The following ODAD2 variants were observed in gnomAD, a reference collection of about 807,000 sequenced individuals.
The protein encoded by ODAD2 is outer dynein arm docking complex subunit 2.
ODAD2 carries 89 observed loss-of-function variants against 106.8 expected under a neutral mutation model. The observed-to-expected ratio is 0.83, with a 90% CI of 0.70 to 0.99. The LOEUF (loss-of-function observed/expected upper bound fraction) is 0.99, where lower values mean the gene tolerates loss of function less well. Ranked by LOEUF, ODAD2 falls within the 50% of genes least tolerant of loss-of-function variation. The probability of loss-of-function intolerance (pLI) is 0.00; values close to 1 mark genes in which losing one functional copy is unlikely to be tolerated. For missense variants in ODAD2, 1,168 were observed against 1,238.5 expected (o/e 0.94, Z 0.85); for synonymous variants, 404 against 436.2 (o/e 0.93, Z 0.92).
intron 19 of ODAD2, among the ~76,000 whole-genome samples, chr10:27,816,087 T>A (rs1342280145): frequency 6.6e-6 from 1 of 152,190 alleles, no homozygotes; most frequent in Non-Finnish European, 1.5e-5. Flanking sequence ...TCCAACTGAT[T>A]ATCATATTCT....
intron 19 of ODAD2, among the ~76,000 whole-genome samples, chr10:27,837,678 A>G (rs533945151): frequency 6.6e-6 from 1 of 152,346 alleles, no homozygotes; most frequent in South Asian, 2.1e-4. Context: ...GGTCATAAAG[A>G]ACGACAAAAT....
chr10:27,955,611 A>G (rs2132761672), intron 10 of ODAD2, among the ~76,000 whole-genome samples: 1 of 152,170 alleles, frequency 6.6e-6, no homozygotes, highest in South Asian at 2.1e-4. Flanking sequence ...ATTAACTGTA[A>G]TTGACTGCAA....
chr10:27,874,223 T>A (rs1841140302), intron 17 of ODAD2, among the ~76,000 whole-genome samples: 1 of 152,166 alleles, frequency 6.6e-6, no homozygotes, highest in African/African-American at 2.4e-5. Flanking sequence ...TCTTCCTCCA[T>A]ACCTTTATTT....
chr10:27,959,453 A>AAGATGCAG (rs1447167925), intron 10 of ODAD2, among the ~76,000 whole-genome samples: 10 of 151,906 alleles, frequency 6.6e-5, no homozygotes, highest in African/African-American at 2.2e-4. Context: ...TGGTTCAGTA[A>AAGATGCAG]AGATGCAGAG....
At chr10:27,880,848 C>A (rs1042542375) in intron 17 of ODAD2, among the ~76,000 whole-genome samples, 4 of 152,154 alleles carry the variant, frequency 2.6e-5, no homozygotes, top group Non-Finnish European at 5.9e-5. Context: ...ACAAATAGAT[C>A]AAGTCACCCA....
At position 27,857,179 on chromosome 10, in the gene ODAD2, A is replaced by G. The variant is rs188863218; in HGVS notation, c.3021+3446T>C. ...ACTTCTTCCTCCTCCTCTTCAGCCT[A>G]CTCTACGTGAAGATGACAAGGATGA... On this transcript the variant is annotated intron_variant, in intron 19 of 19. Transcript: ENST00000305242. Among the ~76,000 whole-genome samples, 7 of 152,140 alleles carry G rather than the reference A, an allele frequency of 4.6e-5. 1 individual carries two copies. The East Asian group carries it at 1.4e-3, about 29-fold the overall frequency.
chr10:27,926,413 A>C (rs1259136595), intron 16 of ODAD2, among the ~76,000 whole-genome samples: 4 of 152,100 alleles, frequency 2.6e-5, no homozygotes. Context: ...AAAAAAAAAA[A>C]CTTTTCCACA....
chr10:27,941,924 C>CTGGGAGAGAGA (rs1314665336), intron 12 of ODAD2, among the ~76,000 whole-genome samples: 2 of 152,116 alleles, frequency 1.3e-5, no homozygotes, highest in Non-Finnish European at 2.9e-5. Context: ...TTCCAAGTTC[C>CTGGGAGAGAGA]TGGGAGAGAG....
At chr10:27,832,405 A>G (rs1281451009) in intron 19 of ODAD2, among the ~76,000 whole-genome samples, 1 of 152,150 alleles carries the variant, frequency 6.6e-6, no homozygotes, top group Non-Finnish European at 1.5e-5. Context: ...CCCTAGAAGC[A>G]TACTGTCCAG....
At chr10:27,989,008 G>GGGGCCAT (rs1554825692) in intron 2 of ODAD2, among the ~76,000 whole-genome samples, 1 of 152,110 alleles carries the variant, frequency 6.6e-6, no homozygotes, top group Non-Finnish European at 1.5e-5. Context: ...AGAGTGATGT[G>GGGGCCAT]GAGCCATGAG....
chr10:27,841,709 C>G lies in ODAD2; in HGVS notation c.3021+18916G>C, dbSNP rs530245963. On this transcript the variant is annotated intron_variant, in intron 19 of 19. Transcript: ENST00000305242. Reference sequence around the variant, plus strand: ...CCACCCCGGCAGATCTGCTTCCAGTCTTTCTGATCCTGTCCCTATACACCT... The same window carrying G: ...CCACCCCGGCAGATCTGCTTCCAGTGTTTCTGATCCTGTCCCTATACACCT... Among the ~76,000 whole-genome samples the G allele has an allele frequency of 2.0e-5, 3 of 152,042 alleles. No homozygotes were observed. The South Asian group carries it at 6.2e-4, about 32-fold the overall frequency.
intron 19 of ODAD2, among the ~76,000 whole-genome samples, chr10:27,857,483 G>A (rs934118650): frequency 2.6e-5 from 4 of 151,982 alleles, no homozygotes; most frequent in Admixed American, 2.0e-4. Flanking sequence ...AAGTGTATTG[G>A]GTTAAATATA....
intron 19 of ODAD2, among the ~76,000 whole-genome samples, chr10:27,827,372 A>C (rs1837132618): frequency 1.0e-5 from 1 of 97,760 alleles, no homozygotes; most frequent in African/African-American, 3.9e-5. Context: ...ACATACACAC[A>C]CACACACTAT....
intron 17 of ODAD2, among the ~76,000 whole-genome samples, chr10:27,872,740 C>T (rs1840997492): frequency 6.6e-6 from 1 of 152,162 alleles, no homozygotes; most frequent in Non-Finnish European, 1.5e-5. Context: ...TTTTGATGTG[C>T]TGCTGGATTC....
Position 27,992,467 on chromosome 10 carries a change from T to A in ODAD2, c.224+2452A>T, listed in dbSNP as rs1376403591. 2.6e-5 allele frequency among the ~76,000 whole-genome samples: 4 copies of A among 152,038 alleles called. No individual in the cohort carries two copies. In the East Asian group the frequency reaches 7.7e-4, roughly 29 times the overall value. Reference sequence around the variant, plus strand: ...AATTCAGGGGGCCAAGGTAGAAGGATCTCTTGAGGCCAAAAGTACAAGACC... The same window carrying A: ...AATTCAGGGGGCCAAGGTAGAAGGAACTCTTGAGGCCAAAAGTACAAGACC... On this transcript the variant is annotated intron_variant, in intron 2 of 19. Transcript: ENST00000305242.
chr10:27,925,745 A>C (rs951520111), intron 16 of ODAD2, among the ~76,000 whole-genome samples: 2 of 152,248 alleles, frequency 1.3e-5, no homozygotes, highest in African/African-American at 4.8e-5. Flanking sequence ...TTTACTTCAT[A>C]GAGAGACACT....
At chr10:27,985,965 G>A (rs533255120) in intron 3 of ODAD2, among the ~76,000 whole-genome samples, 6 of 152,232 alleles carry the variant, frequency 3.9e-5, no homozygotes, top group Middle Eastern at 3.4e-3. Context: ...TTAGAATGGA[G>A]AAATTTGAGA....
intron 19 of ODAD2, among the ~76,000 whole-genome samples, chr10:27,850,748 AAAC>A (rs1839200681): frequency 6.6e-6 from 1 of 152,212 alleles, no homozygotes; most frequent in Admixed American, 6.5e-5. Context: ...AAAAACTGTG[AAAC>A]AACAACTTTC....
intron 14 of ODAD2, 135 bp downstream of exon 14, chr10:27,939,762 C>A: frequency 2.1e-6 from 1 of 480,858 alleles, no homozygotes; most frequent in Non-Finnish European, 3.6e-6. Context: ...TAAATTAAAA[C>A]TTAAAAAAAT....
Sources: gnomAD v4.1 joint callset for allele counts (sites outside exome capture counted in the v4.1 genomes callset) on GRCh38, gnomAD v4.1.1 for gene constraint, MANE v1.5 for transcripts, NCBI Gene and HGNC (gene_info 2026-07-23, HGNC 2026-07-21) for gene names.